Variants in SOHLH2 observed in about 807,000 individuals in gnomAD.
SOHLH2 encodes spermatogenesis- and oogenesis-specific basic helix-loop-helix-containing protein 2.
SOHLH2 carries 22 observed loss-of-function variants against 50.4 expected under a neutral mutation model. The ratio of observed to expected loss-of-function variants is 0.44; its 90% CI spans 0.31 to 0.62. SOHLH2 has a LOEUF of 0.62. Ranked by LOEUF, SOHLH2 falls within the 20% of genes least tolerant of loss-of-function variation. The pLI, the probability that SOHLH2 is intolerant of heterozygous loss-of-function variation, is 0.08. For missense variants in SOHLH2, 412 were observed against 504.4 expected (o/e 0.82, Z 1.76); for synonymous variants, 185 against 187.3 (o/e 0.99, Z 0.10).
At chr13:36,214,238 C>T (rs1593967732) in intron 1 of SOHLH2, among the ~76,000 whole-genome samples, 1 of 152,148 alleles carries the variant, frequency 6.6e-6, no homozygotes, top group African/African-American at 2.4e-5. Flanking sequence ...CAACCTCAGG[C>T]CCCAAGGGCC....
intron 1 of SOHLH2, among the ~76,000 whole-genome samples, chr13:36,205,944 A>G (rs140652344): frequency 1.3e-5 from 2 of 152,144 alleles, no homozygotes; most frequent in East Asian, 3.9e-4. Context: ...TACATTTTAC[A>G]AATCCATTTC....
chr13:36,175,002 G>T, intron 6 of SOHLH2, 133 bp from the exon 7 acceptor site: 1 of 1,302,580 alleles, frequency 7.7e-7, no homozygotes, highest in Non-Finnish European at 1.0e-6. Flanking sequence ...CCATTTCAGA[G>T]AAAGGCTGTG....
At chr13:36,210,402 G>T (rs1869043986) in intron 1 of SOHLH2, among the ~76,000 whole-genome samples, 1 of 151,714 alleles carries the variant, frequency 6.6e-6, no homozygotes, top group Non-Finnish European at 1.5e-5. Context: ...GGTGTAATTG[G>T]ACCCCATTTG....
chr13:36,200,588 C>G (rs2138315971), intron 2 of SOHLH2, among the ~76,000 whole-genome samples: 1 of 152,302 alleles, frequency 6.6e-6, no homozygotes, highest in South Asian at 2.1e-4. Flanking sequence ...GAGAAGCTCT[C>G]ATATGTTCCA....
chr13:36,198,291 A>C (rs993388820), intron 2 of SOHLH2, among the ~76,000 whole-genome samples: 1 of 152,236 alleles, frequency 6.6e-6, no homozygotes. Flanking sequence ...TATACTGACG[A>C]GTTTAAAACA....
intron 1 of SOHLH2, among the ~76,000 whole-genome samples, chr13:36,212,347 A>C (rs1029804732): frequency 1.3e-5 from 2 of 152,238 alleles, no homozygotes; most frequent in African/African-American, 4.8e-5. Flanking sequence ...CACACTTGGA[A>C]TGTTAATGGA....
intron 9 of SOHLH2, 74 bp from the exon 10 acceptor site, chr13:36,170,861 A>G: frequency 6.5e-7 from 1 of 1,549,308 alleles, no homozygotes; most frequent in Non-Finnish European, 8.7e-7. Context: ...TATTCGACAT[A>G]AACTGCCCGC....
chr13:36,174,623 A>G lies in SOHLH2; in HGVS notation c.790-56T>C. 3 of 1,605,646 alleles carry G rather than the reference A, an allele frequency of 1.9e-6. No homozygotes were observed. The East Asian group carries it at 6.7e-5, about 36-fold the overall frequency. Reference sequence around the variant, plus strand: ...TACCGACATTTTTACATAGATACAAAGACACATACTTTCCAATGATAAAAA... The same window carrying G: ...TACCGACATTTTTACATAGATACAAGGACACATACTTTCCAATGATAAAAA... On this transcript the variant is annotated intron_variant, in intron 7 of 10. Coordinates refer to ENST00000379881, the MANE Select transcript of SOHLH2 (RefSeq NM_017826.3).
At chr13:36,186,363 A>G (rs1887419033) in intron 6 of SOHLH2, among the ~76,000 whole-genome samples, 1 of 152,192 alleles carries the variant, frequency 6.6e-6, no homozygotes, top group Non-Finnish European at 1.5e-5. Flanking sequence ...TTTTCCCTCT[A>G]AGATCTGAAA....
At chr13:36,203,202 AAGT>A (rs1353068621) in intron 1 of SOHLH2, among the ~76,000 whole-genome samples, 1 of 152,200 alleles carries the variant, frequency 6.6e-6, no homozygotes, top group Non-Finnish European at 1.5e-5. Flanking sequence ...TCAAACATAT[AAGT>A]ACGATACACA....
intron 4 of SOHLH2, among the ~76,000 whole-genome samples, chr13:36,192,808 A>C (rs1443175293): frequency 6.6e-6 from 1 of 152,166 alleles, no homozygotes; most frequent in Non-Finnish European, 1.5e-5. Context: ...CTACCCTCTC[A>C]GCAAATTTCA....
chr13:36,188,913 C>T (rs1887500932), intron 6 of SOHLH2, among the ~76,000 whole-genome samples: 1 of 152,154 alleles, frequency 6.6e-6, no homozygotes, highest in Non-Finnish European at 1.5e-5. Flanking sequence ...AGACCTTTCT[C>T]TAGAATCAAA....
intron 2 of SOHLH2, among the ~76,000 whole-genome samples, chr13:36,196,118 AG>A (rs1182160733): frequency 0.021 from 3,135 of 149,660 alleles, 48 homozygotes; most frequent in African/African-American, 0.054. Context: ...ATAGATAGAT[AG>A]ATAGATAATT....
At chr13:36,206,063 CT>C (rs1251576556) in intron 1 of SOHLH2, among the ~76,000 whole-genome samples, 1 of 151,164 alleles carries the variant, frequency 6.6e-6, no homozygotes, top group African/African-American at 2.4e-5. Context: ...TTATTTTTTT[CT>C]TTTTCTGGTA....
intron 1 of SOHLH2, among the ~76,000 whole-genome samples, chr13:36,207,077 C>T (rs1309195586): frequency 6.6e-6 from 1 of 151,700 alleles, no homozygotes; most frequent in African/African-American, 2.4e-5. Flanking sequence ...ATCATCTTTT[C>T]TGTGACTTTT....
Position 36,168,690 on chromosome 13 carries a change from T to G in SOHLH2, c.*344A>C, listed in dbSNP as rs1271827824. On this transcript the variant is annotated 3_prime_UTR_variant, in exon 11 of 11. Coordinates refer to ENST00000379881, the MANE Select transcript of SOHLH2 (RefSeq NM_017826.3). ...CCTTCCCAATCTAATCATTTTATCG[T>G]GTCTACATGGATCTTCCTTATAGCA... The G allele has an allele frequency of 6.5e-6, 2 of 309,226 alleles. No individual in the cohort carries two copies. The highest frequency in any genetic ancestry group is 4.3e-5 in the African/African-American group (2 of 46,736). The allele number at this position is 309,226 out of a possible 1,614,324, so 19.2% of individuals were successfully genotyped here. A position where few individuals can be genotyped will look rare whatever the true frequency, so the allele number is the denominator to read the frequency against.
chr13:36,185,250 C>T (rs1264859720), intron 6 of SOHLH2, among the ~76,000 whole-genome samples: 2 of 151,984 alleles, frequency 1.3e-5, no homozygotes, highest in East Asian at 1.9e-4. Flanking sequence ...GGGCGGATCA[C>T]GAGGTCAGGA....
chr13:36,207,153 T>A (rs1868827175), intron 1 of SOHLH2, among the ~76,000 whole-genome samples: 1 of 152,078 alleles, frequency 6.6e-6, no homozygotes, highest in Non-Finnish European at 1.5e-5. Flanking sequence ...ATGTATGAAT[T>A]TAAGTAATTA....
At chr13:36,174,335 A>G (rs1019866708) in intron 8 of SOHLH2, 141 bp downstream of exon 8, 1 of 990,626 alleles carries the variant, frequency 1.0e-6, no homozygotes, top group South Asian at 1.7e-5. Flanking sequence ...AATGATACAC[A>G]TCGGCAATTA....
Sources: gnomAD v4.1 joint callset for allele counts (sites outside exome capture counted in the v4.1 genomes callset) on GRCh38, gnomAD v4.1.1 for gene constraint, MANE v1.5 for transcripts, NCBI Gene and HGNC (gene_info 2026-07-23, HGNC 2026-07-21) for gene names.